ADGRV1: variants seen among roughly 807,000 people sequenced by gnomAD.
ADGRV1 encodes adhesion G protein-coupled receptor V1.
Under a neutral mutation model 596.2 loss-of-function variants are expected in ADGRV1, and 359 were observed. The observed-to-expected ratio is 0.60, with a 90% CI of 0.55 to 0.66. The LOEUF (loss-of-function observed/expected upper bound fraction) is 0.66, where lower values mean the gene tolerates loss of function less well. Ranked by LOEUF, ADGRV1 falls within the 30% of genes least tolerant of loss-of-function variation. The pLI, the probability that ADGRV1 is intolerant of heterozygous loss-of-function variation, is 0.00. For missense variants in ADGRV1, 7,274 were observed against 7,575.6 expected (o/e 0.96, Z 1.48); for synonymous variants, 2,681 against 2,679.2 (o/e 1.00, Z -0.02).
intron 83 of ADGRV1, among the ~76,000 whole-genome samples, chr5:90,868,557 T>C (rs1768354769): frequency 6.6e-6 from 1 of 151,974 alleles, no homozygotes. Flanking sequence ...AGAAAGAAGA[T>C]ATAACTAGTT....
chr5:90,694,491 G>A lies in ADGRV1; in HGVS notation c.7735G>A (p.Val2579Met), dbSNP rs755818826. 2.6e-5 allele frequency: 42 copies of A among 1,613,936 alleles called. 1 individual carries two copies. Among genetic ancestry groups the A allele is most frequent in the Middle Eastern group, 3.3e-4 (2 of 6,062 alleles). Residue 2579 changes from valine (V) to methionine (M), a missense_variant, in exon 33 of 90, where the codon GTG becomes ATG. This residue lies in a region of ADGRV1 where 3,643 missense variants were observed against 3,809.2 expected (regional missense o/e 0.96). Coordinates refer to ENST00000405460, the MANE Select transcript of ADGRV1 (RefSeq NM_032119.4). ...AGCACTAAATGGTGATGCCTTTGGA[G>A]TGTTTGTGATCTACAATATTAGTCC... ...VIALNGDAFG[V>M]FVIYNISPNT...
Position 90,811,019 on chromosome 5 carries a change from C to T in ADGRV1, c.15759C>T (p.Gly5253=), listed in dbSNP as rs2150230092. The T allele has an allele frequency of 6.2e-7, 1 of 1,613,982 alleles. No individual in the cohort carries two copies. The highest frequency in any genetic ancestry group is 1.3e-5 in the African/African-American group (1 of 75,052). Residue 5253 remains glycine, a synonymous_variant, in exon 74 of 90, where the codon GGC becomes GGT. Transcript: ENST00000405460. ...VLIRRTGGFT[G]NVSITVKTFG... ...TCCGAAGAACTGGTGGGTTTACTGGCAATGTCAGCATAACAGTTAAAACTT... is the reference window on the plus strand; with the variant it reads ...TCCGAAGAACTGGTGGGTTTACTGGTAATGTCAGCATAACAGTTAAAACTT...
chr5:91,152,756 T>A (rs371715199), intron 88 of ADGRV1, among the ~76,000 whole-genome samples: 1 of 152,126 alleles, frequency 6.6e-6, no homozygotes, highest in African/African-American at 2.4e-5. Context: ...AGCCTCAAAC[T>A]TCTGAGCTCA....
At chr5:91,141,796 C>G (rs951297042) in intron 87 of ADGRV1, among the ~76,000 whole-genome samples, 6 of 152,122 alleles carry the variant, frequency 3.9e-5, no homozygotes, top group African/African-American at 1.4e-4. Flanking sequence ...AACAAGAGAT[C>G]ACAAAGACTT....
intron 70 of ADGRV1, among the ~76,000 whole-genome samples, chr5:90,796,833 A>G (rs1169838063): frequency 6.6e-6 from 1 of 152,204 alleles, no homozygotes; most frequent in Non-Finnish European, 1.5e-5. Flanking sequence ...TTCTTAAAGA[A>G]AAGAATTTTC....
At chr5:90,560,761 T>C (rs1189592928) in intron 1 of ADGRV1, among the ~76,000 whole-genome samples, 1 of 152,208 alleles carries the variant, frequency 6.6e-6, no homozygotes, top group African/African-American at 2.4e-5. Context: ...GTATATTTAT[T>C]AATTGAATGC....
chr5:90,955,813 C>G (rs1324488413), intron 83 of ADGRV1, among the ~76,000 whole-genome samples: 2 of 152,120 alleles, frequency 1.3e-5, no homozygotes, highest in African/African-American at 4.8e-5. Context: ...GAAATGATAA[C>G]TCTCTCAATA....
chr5:90,712,559 G>A (rs915044204), intron 42 of ADGRV1, 131 bp downstream of exon 42: 2 of 702,034 alleles, frequency 2.8e-6, no homozygotes, highest in Non-Finnish European at 4.7e-6. Context: ...TTAAGTTAGA[G>A]CATTTCAGAA....
At position 90,913,908 on chromosome 5, in the gene ADGRV1, C is replaced by T. The variant is rs989404511; in HGVS notation, c.17856+50051C>T. Among the ~76,000 whole-genome samples, 10 of 152,142 alleles carry T rather than the reference C, an allele frequency of 6.6e-5. 1 individual carries two copies. The highest frequency in any genetic ancestry group is 2.6e-4 in the Admixed American group (4 of 15,258). On this transcript the variant is annotated intron_variant, in intron 83 of 89. Transcript: ENST00000405460. ...CCTGCCTCAACATCATAAATCTTTG[C>T]GGGTGAATATTGTGCTATAATGTTT...
chr5:90,806,060 A>G (rs923877627), intron 72 of ADGRV1, among the ~76,000 whole-genome samples: 2 of 152,216 alleles, frequency 1.3e-5, no homozygotes, highest in Non-Finnish European at 2.9e-5. Context: ...ATTTACACTC[A>G]GTAAGAAACC....
chr5:91,029,605 C>T (rs1262670409), intron 85 of ADGRV1, among the ~76,000 whole-genome samples: 1 of 152,144 alleles, frequency 6.6e-6, no homozygotes, highest in Non-Finnish European at 1.5e-5. Context: ...TGAAACATAT[C>T]CCCACAGCTT....
At chr5:90,927,715 T>C (rs1774660463) in intron 83 of ADGRV1, among the ~76,000 whole-genome samples, 1 of 152,148 alleles carries the variant, frequency 6.6e-6, no homozygotes, top group Non-Finnish European at 1.5e-5. Flanking sequence ...TGATGCAGTT[T>C]CTTCCTAGTC....
chr5:90,994,083 G>A (rs2151082856), intron 85 of ADGRV1, among the ~76,000 whole-genome samples: 1 of 148,630 alleles, frequency 6.7e-6, no homozygotes, highest in South Asian at 2.1e-4. Flanking sequence ...TGGAGACAGA[G>A]TTTCGCTCTT....
In ADGRV1 at chr5:91,127,359, G is replaced by A. The variant is rs145146958; in HGVS notation, c.18433-22671G>A. On this transcript the variant is annotated intron_variant, in intron 87 of 89. Coordinates refer to ENST00000405460, the MANE Select transcript of ADGRV1 (RefSeq NM_032119.4). The stretch of plus-strand genomic sequence containing the variant: ...GTTTGAGACCCACCTGGGCAACACA[G>A]TGACATGTTGTCTCTACAAAAAATT... 4.5e-4 allele frequency among the ~76,000 whole-genome samples: 69 copies of A among 152,176 alleles called. No homozygotes were observed. The East Asian group carries it at 0.013, about 28-fold the overall frequency.
At chr5:90,954,526 C>T (rs1332104968) in intron 83 of ADGRV1, among the ~76,000 whole-genome samples, 5 of 152,030 alleles carry the variant, frequency 3.3e-5, no homozygotes, top group East Asian at 3.9e-4. Context: ...ATATAACTGC[C>T]TTTCAACATC....
intron 89 of ADGRV1, among the ~76,000 whole-genome samples, chr5:91,154,998 G>A (rs1006716173): frequency 2.6e-5 from 4 of 152,212 alleles, no homozygotes; most frequent in Admixed American, 2.6e-4. Context: ...TTTGGGTGGG[G>A]ACACAGCCAA....
chr5:90,670,074 A>G lies in ADGRV1; in HGVS notation c.4753-2472A>G, dbSNP rs1307072353. The stretch of plus-strand genomic sequence containing the variant: ...GATAACTTCCAAATTTATGATGTCA[A>G]TCTCATCTTTTCTCTAAAATTCCAG... On this transcript the variant is annotated intron_variant, in intron 21 of 89. Transcript: ENST00000405460. Among the ~76,000 whole-genome samples, 5 of 152,188 alleles carry G rather than the reference A, an allele frequency of 3.3e-5. No homozygotes were observed. In the East Asian group the frequency reaches 7.7e-4, roughly 23 times the overall value.
chr5:90,951,326 C>T (rs1007939301), intron 83 of ADGRV1, among the ~76,000 whole-genome samples: 5 of 152,044 alleles, frequency 3.3e-5, no homozygotes, highest in African/African-American at 1.2e-4. Flanking sequence ...TTTGAAGTTA[C>T]CTGTGGTCAT....
chr5:90,950,233 A>G (rs969649766), intron 83 of ADGRV1, among the ~76,000 whole-genome samples: 3 of 152,214 alleles, frequency 2.0e-5, no homozygotes, highest in African/African-American at 7.2e-5. Flanking sequence ...CTATATATCA[A>G]TGCAATTACA....
Sources: gnomAD v4.1 joint callset for allele counts (sites outside exome capture counted in the v4.1 genomes callset) on GRCh38, gnomAD v4.1.1 for gene constraint, gnomAD v4.1.1 regional missense constraint, MANE v1.5 for transcripts, NCBI Gene and HGNC (gene_info 2026-07-23, HGNC 2026-07-21) for gene names.